The following ALMS1 variants were observed in gnomAD, a reference collection of about 807,000 sequenced individuals.
ALMS1 encodes ALMS1 centrosome and basal body associated protein.
In ALMS1, 271 loss-of-function variants were observed where a neutral mutation model predicts 352.2. The observed-to-expected ratio is 0.77, with a 90% CI of 0.70 to 0.85. ALMS1 has a LOEUF of 0.85. ALMS1 is among the 40% of genes least tolerant of loss of function. The pLI, the probability that ALMS1 is intolerant of heterozygous loss-of-function variation, is 0.00. For missense variants in ALMS1, 5,445 were observed against 4,870.7 expected, an observed-to-expected ratio of 1.12 and a Z score of -3.51; for synonymous variants, 1,865 against 1,761.2, an observed-to-expected ratio of 1.06 and a Z score of -1.48.
At position 73,550,432 on chromosome 2, in the gene ALMS1, A is replaced by G; in HGVS notation, c.10073A>G (p.Asn3358Ser). 6.2e-7 allele frequency: 1 copy of G among 1,614,124 alleles called. No homozygotes were observed. Among genetic ancestry groups the G allele is most frequent in the South Asian group, 1.1e-5 (1 of 91,082 alleles). Residue 3358 changes from asparagine to serine, a missense_variant, in exon 13 of 23, where the codon AAT (asparagine) becomes AGT (serine). Physicochemically the swap from Asn to Ser is conservative, Grantham distance 46 (BLOSUM62 1). Transcript: ENST00000613296. ...GGAGAAAAACCCTTGCAGAATGAAAATGCAGGTAACTGGATTGGCTTTGTA... is the reference window on the plus strand; with the variant it reads ...GGAGAAAAACCCTTGCAGAATGAAAGTGCAGGTAACTGGATTGGCTTTGTA... ...PVGEKPLQNE[N>S]ADASVQVLIT...
chr2:73,451,065 C>T lies in ALMS1; in HGVS notation c.4538C>T (p.Thr1513Ile). The T allele has an allele frequency of 5.0e-6, 8 of 1,613,922 alleles. No homozygotes were observed. Among genetic ancestry groups the T allele is most frequent in the South Asian group, 1.1e-5 (1 of 91,068 alleles). The change falls in exon 8 of 23, where the codon ACT (threonine) becomes ATT (isoleucine). Residue 1513 changes from threonine (T) to isoleucine (I), a missense_variant. Transcript: ENST00000613296. ...GCTCCTGGACCAGTTGGCCAGACAA[C>T]TGGCGCACCAACTATAACCTCTCCT... ...SVAPGPVGQTTGAPTITSPSY... is the reference protein window; with the variant it reads ...SVAPGPVGQTIGAPTITSPSY...
At chr2:73,390,709 A>G (rs954102371) in intron 1 of ALMS1, among the ~76,000 whole-genome samples, 1 of 152,156 alleles carries the variant, frequency 6.6e-6, no homozygotes, top group Non-Finnish European at 1.5e-5. Context: ...CTGGGTTGGC[A>G]TCACTAGAAA....
At chr2:73,555,179 AAG>A (rs1674518541) in intron 13 of ALMS1, among the ~76,000 whole-genome samples, 1 of 152,204 alleles carries the variant, frequency 6.6e-6, no homozygotes, top group Non-Finnish European at 1.5e-5. Context: ...CGTATATTTA[AAG>A]AATAAGATAA....
At chr2:73,527,912 G>T (rs549496951) in intron 11 of ALMS1, among the ~76,000 whole-genome samples, 2 of 151,152 alleles carry the variant, frequency 1.3e-5, no homozygotes, top group African/African-American at 2.4e-5. Context: ...CTTAGTACTG[G>T]TTTTGCTGTA....
At chr2:73,407,732 A>G (rs910747953) in intron 1 of ALMS1, among the ~76,000 whole-genome samples, 2 of 152,010 alleles carry the variant, frequency 1.3e-5, no homozygotes, top group African/African-American at 4.8e-5. Context: ...TAATTCTTGT[A>G]TTTTTAGTAG....
At chr2:73,456,151 C>G (rs999357034) in intron 9 of ALMS1, among the ~76,000 whole-genome samples, 6 of 152,214 alleles carry the variant, frequency 3.9e-5, no homozygotes, top group African/African-American at 1.4e-4. Context: ...TTTGTTTCTC[C>G]TTTCCCAGTC....
intron 7 of ALMS1, among the ~76,000 whole-genome samples, chr2:73,433,240 A>C (rs1394273986): frequency 6.6e-6 from 1 of 152,202 alleles, no homozygotes; most frequent in Non-Finnish European, 1.5e-5. Context: ...TTTTCCTGCT[A>C]ACACTCAGGA....
intron 14 of ALMS1, 102 bp downstream of exon 14, chr2:73,557,456 T>C: frequency 6.7e-7 from 1 of 1,489,490 alleles, no homozygotes; most frequent in African/African-American, 1.4e-5. Flanking sequence ...ATTTTCTTCT[T>C]GCTGTCTTCA....
intron 10 of ALMS1, among the ~76,000 whole-genome samples, chr2:73,497,487 A>C (rs1388225712): frequency 1.3e-5 from 2 of 152,096 alleles, no homozygotes; most frequent in Non-Finnish European, 2.9e-5. Context: ...GTTCAGTTCC[A>C]GACCACTGCA....
intron 2 of ALMS1, among the ~76,000 whole-genome samples, chr2:73,415,542 C>T (rs1289509592): frequency 6.6e-6 from 1 of 151,984 alleles, no homozygotes; most frequent in Non-Finnish European, 1.5e-5. Flanking sequence ...GGGAGTTCCT[C>T]TCTCCTGCTC....
intron 16 of ALMS1, among the ~76,000 whole-genome samples, chr2:73,590,596 T>C (rs368674180): frequency 6.6e-6 from 1 of 152,140 alleles, no homozygotes; most frequent in Non-Finnish European, 1.5e-5. Context: ...TGTTTTTCTC[T>C]GAAGGTTTTT....
chr2:73,552,224 A>G (rs7585654), intron 13 of ALMS1, among the ~76,000 whole-genome samples: 1,601 of 152,304 alleles, frequency 0.011, 24 homozygotes, highest in African/African-American at 0.037. Flanking sequence ...ATTTCGTTCT[A>G]CTTCAAAACA....
intron 9 of ALMS1, among the ~76,000 whole-genome samples, chr2:73,464,271 G>A (rs1196483534): frequency 3.9e-5 from 6 of 152,110 alleles, no homozygotes; most frequent in Non-Finnish European, 7.3e-5. Flanking sequence ...TTCATCCCTG[G>A]GATGCAAGGC....
chr2:73,575,863 G>GT (rs898980024), intron 16 of ALMS1, among the ~76,000 whole-genome samples: 7 of 148,448 alleles, frequency 4.7e-5, no homozygotes, highest in African/African-American at 1.3e-4. Flanking sequence ...TTTTTTTTTT[G>GT]TTTTTTGTGC....
chr2:73,608,017 C>T (rs1197121079), intron 21 of ALMS1, among the ~76,000 whole-genome samples: 4 of 152,076 alleles, frequency 2.6e-5, no homozygotes, highest in South Asian at 2.1e-4. Context: ...GGAGCCTTTC[C>T]GAACCTCCTT....
At chr2:73,463,104 G>A (rs1397166729) in intron 9 of ALMS1, among the ~76,000 whole-genome samples, 1 of 152,202 alleles carries the variant, frequency 6.6e-6, no homozygotes, top group Non-Finnish European at 1.5e-5. Flanking sequence ...GCACCAAGCA[G>A]ACCTAATAGA....
At chr2:73,455,101 C>T in intron 8 of ALMS1, 61 bp from the exon 9 acceptor site, 3 of 1,572,218 alleles carry the variant, frequency 1.9e-6, no homozygotes, top group Non-Finnish European at 1.7e-6. Context: ...TTCTGTGTTG[C>T]AATTGTTGAC....
intron 5 of ALMS1, 141 bp from the exon 6 acceptor site, chr2:73,426,312 C>T: frequency 2.4e-6 from 2 of 836,408 alleles, no homozygotes; most frequent in Non-Finnish European, 4.1e-6. Flanking sequence ...GTACCATTGA[C>T]CAGTGATGCA....
intron 16 of ALMS1, among the ~76,000 whole-genome samples, chr2:73,581,752 CT>C (rs1338369570): frequency 0.023 from 3,288 of 142,920 alleles, 91 homozygotes; most frequent in African/African-American, 0.074. Context: ...ATTATTTTTT[CT>C]TTTTTTTTTT....
Sources: gnomAD v4.1 joint callset for allele counts (sites outside exome capture counted in the v4.1 genomes callset) on GRCh38, gnomAD v4.1.1 for gene constraint, MANE v1.5 for transcripts, NCBI Gene and HGNC (gene_info 2026-07-23, HGNC 2026-07-21) for gene names.